ARL5A: variants seen among roughly 807,000 people sequenced by gnomAD.
ARL5A encodes ADP-ribosylation factor-like protein 5A.
ARL5A carries 18 observed loss-of-function variants against 25.9 expected under a neutral mutation model. The observed-to-expected ratio is 0.69, with a 90% CI of 0.48 to 1.03. The LOEUF is 1.03. Among genes scored for constraint, ARL5A ranks in the 50% least tolerant of loss-of-function variants. The pLI is 0.00. For missense variants in ARL5A, 170 were observed against 211.9 expected (o/e 0.80, Z 1.23); for synonymous variants, 61 against 67.5 (o/e 0.90, Z 0.47).
intron 1 of ARL5A, chr2:151,827,759 T>C (rs1159458523): frequency 5.4e-5 from 15 of 278,230 alleles, no homozygotes; most frequent in Non-Finnish European, 8.8e-5. Context: ...CCCCAGCACT[T>C]CTATGTGGTG....
At chr2:151,815,485 C>T (rs1578377675) in intron 1 of ARL5A, among the ~76,000 whole-genome samples, 1 of 152,210 alleles carries the variant, frequency 6.6e-6, no homozygotes, top group African/African-American at 2.4e-5. Context: ...GGCAAGCCTA[C>T]TCTCAGTAAA....
intron 1 of ARL5A, among the ~76,000 whole-genome samples, chr2:151,823,446 A>C (rs1309332848): frequency 6.6e-6 from 1 of 152,168 alleles, no homozygotes; most frequent in Non-Finnish European, 1.5e-5. Flanking sequence ...AAAAAAAAGC[A>C]ATGATTACAC....
intron 1 of ARL5A, among the ~76,000 whole-genome samples, chr2:151,825,383 T>C (rs1050816010): frequency 6.6e-6 from 1 of 152,212 alleles, no homozygotes; most frequent in Non-Finnish European, 1.5e-5. Flanking sequence ...ATATACCAGT[T>C]GCATGGCCTG....
In ARL5A at chr2:151,801,506, C is replaced by T. The variant is rs555621793; in HGVS notation, c.*1770G>A. ...TTCTTTATAGGGATTTGAGAAAGTA[C>T]GAGAACATATGGGAAAAGCTTAGTA... On this transcript the variant is annotated 3_prime_UTR_variant, in exon 6 of 6. Transcript: ENST00000295087. 2.0e-5 allele frequency: 3 copies of T among 152,070 alleles called. No homozygotes were observed. The highest frequency in any genetic ancestry group is 2.1e-4 in the South Asian group (1 of 4,820). 9.4% of individuals were successfully genotyped at this position (152,070 alleles called of 1,614,324 possible).
At chr2:151,818,143 T>C (rs190457773) in intron 1 of ARL5A, among the ~76,000 whole-genome samples, 8 of 152,250 alleles carry the variant, frequency 5.3e-5, no homozygotes, top group Admixed American at 5.2e-4. Flanking sequence ...AGATCAAATG[T>C]TGAAAAATGA....
At chr2:151,822,617 C>A (rs574885164) in intron 1 of ARL5A, among the ~76,000 whole-genome samples, 3 of 152,196 alleles carry the variant, frequency 2.0e-5, no homozygotes, top group Admixed American at 6.5e-5. Context: ...TCCCAATATG[C>A]CTACTACAAG....
At chr2:151,810,944 GAAAA>G (rs144832360) in intron 4 of ARL5A, among the ~76,000 whole-genome samples, 1 of 148,826 alleles carries the variant, frequency 6.7e-6, no homozygotes, top group African/African-American at 2.5e-5. Context: ...AATTTGAAAA[GAAAA>G]AAAAACAAAC....
At chr2:151,811,335 A>T (rs1472044112) in intron 4 of ARL5A, among the ~76,000 whole-genome samples, 1 of 152,182 alleles carries the variant, frequency 6.6e-6, no homozygotes, top group Non-Finnish European at 1.5e-5. Flanking sequence ...CCACTGAAAT[A>T]AAAAACTCTA....
rs2099829513 is a variant in ARL5A at position 151,802,168 on chromosome 2, G to C, written c.*1108C>G. ...CAAGTACCAAAATAAGAAGAAATTT[G>C]CAAATTAAGAAATTATCAATGTTGC... is the stretch of plus-strand genomic sequence containing the variant. On this transcript the variant is annotated 3_prime_UTR_variant, in exon 6 of 6. Transcript: ENST00000295087. 6.6e-6 allele frequency: 1 copy of C among 151,998 alleles called. No homozygotes were observed. The highest frequency in any genetic ancestry group is 2.4e-5 in the African/African-American group (1 of 41,412). The allele number at this position is 151,998 out of a possible 1,614,324, so 9.4% of individuals were successfully genotyped here.
At chr2:151,812,979 C>T (rs1041183777) in intron 3 of ARL5A, among the ~76,000 whole-genome samples, 1 of 152,164 alleles carries the variant, frequency 6.6e-6, no homozygotes, top group African/African-American at 2.4e-5. Flanking sequence ...ACAACCCCTT[C>T]ATAAACTGAT....
At chr2:151,810,632 A>T (rs1253996208) in intron 4 of ARL5A, 6 of 422,498 alleles carry the variant, frequency 1.4e-5, no homozygotes, top group Non-Finnish European at 2.8e-5. Flanking sequence ...GTCAAGTCAC[A>T]TAACCTTTCT....
intron 1 of ARL5A, among the ~76,000 whole-genome samples, chr2:151,820,037 A>G (rs918665195): frequency 6.6e-6 from 1 of 152,178 alleles, no homozygotes. Context: ...CATGATCACC[A>G]AGGTAAAACT....
chr2:151,828,241 A>AG lies in ARL5A; in HGVS notation c.-66dup. On this transcript the variant is annotated 5_prime_UTR_variant, in exon 1 of 6. An upstream open reading frame in the 5' UTR loses its in-frame stop. Transcript: ENST00000295087. ...GCCTGGCTTCCCCCGGCTCAGGCTGAGGGGGAGGAGAGAGACGCGCTGGAG... is the reference window on the plus strand; with the variant it reads ...GCCTGGCTTCCCCCGGCTCAGGCTGAGGGGGGAGGAGAGAGACGCGCTGGAG... 6.8e-7 allele frequency: 1 copy of AG among 1,467,394 alleles called. No individual in the cohort carries two copies. The allele number at this position is 1,467,394 out of a possible 1,614,324, so 90.9% of individuals were successfully genotyped here. A position where few individuals can be genotyped will look rare whatever the true frequency, so the allele number is the denominator to read the frequency against.
chr2:151,822,304 T>C (rs1484821150), intron 1 of ARL5A, among the ~76,000 whole-genome samples: 1 of 152,206 alleles, frequency 6.6e-6, no homozygotes, highest in Admixed American at 6.5e-5. Context: ...AGCCACTGCG[T>C]CCCGGCCACC....
intron 1 of ARL5A, among the ~76,000 whole-genome samples, chr2:151,821,341 C>A (rs1038974482): frequency 6.6e-6 from 1 of 152,068 alleles, no homozygotes; most frequent in Non-Finnish European, 1.5e-5. Context: ...CATATTCTTA[C>A]CAAATGGTTA....
In ARL5A at chr2:151,828,197, C is replaced by CA. The variant is rs558524196; in HGVS notation, c.-22_-21insT. ...CCCATTCTCGGGCAGCGGACCCCCC[C>CA]CCTCCAGACACCCGGGCCGCCTGGC... is the stretch of plus-strand genomic sequence containing the variant. On this transcript the variant is annotated 5_prime_UTR_variant, in exon 1 of 6. Coordinates refer to ENST00000295087, the MANE Select transcript of ARL5A (RefSeq NM_012097.4). 2,855 of 1,605,456 alleles carry CA rather than the reference C, an allele frequency of 1.8e-3. 10 individuals are homozygous for CA. Among genetic ancestry groups the CA allele is most frequent in the Non-Finnish European group, 1.5e-3 (1,815 of 1,176,126 alleles).
At chr2:151,825,369 T>C (rs1330016490) in intron 1 of ARL5A, among the ~76,000 whole-genome samples, 1 of 152,208 alleles carries the variant, frequency 6.6e-6, no homozygotes, top group Non-Finnish European at 1.5e-5. Flanking sequence ...TGCCTGGCTC[T>C]GGCATATACC....
At chr2:151,825,823 G>GA (rs71410440) in intron 1 of ARL5A, among the ~76,000 whole-genome samples, 19,344 of 139,898 alleles carry the variant, frequency 0.14, 1,341 homozygotes, top group African/African-American at 0.2. Flanking sequence ...GTCCTATACA[G>GA]AAAAAAAAAA....
At chr2:151,827,872 G>A in intron 1 of ARL5A, 2 of 507,064 alleles carry the variant, frequency 3.9e-6, no homozygotes, top group Non-Finnish European at 6.9e-6. Flanking sequence ...ACTCTCATTC[G>A]AAATCGGAGC....
Sources: gnomAD v4.1 joint callset for allele counts (sites outside exome capture counted in the v4.1 genomes callset) on GRCh38, gnomAD v4.1.1 for gene constraint, MANE v1.5 for transcripts, NCBI Gene and HGNC (gene_info 2026-07-23, HGNC 2026-07-21) for gene names.